The following ASAP1 variants were observed in gnomAD, a reference collection of about 807,000 sequenced individuals.
ASAP1 encodes arf-GAP with SH3 domain, ANK repeat and PH domain-containing protein 1.
ASAP1 carries 43 observed loss-of-function variants against 145.2 expected under a neutral mutation model. The ratio of observed to expected loss-of-function variants is 0.30; its 90% CI spans 0.23 to 0.38. ASAP1 has a LOEUF of 0.38. Ranked by LOEUF, ASAP1 falls within the 10% of genes least tolerant of loss-of-function variation. ASAP1 has a pLI of 1.00. For synonymous variants in ASAP1, 546 were observed against 515.5 expected (o/e 1.06, Z -0.80); for missense variants, 1,018 against 1,355.3 (o/e 0.75, Z 3.91).
At position 130,358,759 on chromosome 8, in the gene ASAP1, CCCCGCT is replaced by C. The variant is rs1826534588; in HGVS notation, c.60-622_60-617del. ...CGGCCCGGCCCCCGCCCCGCCCCGCCCCCGCTCGCGCACAGCCCCTGGGGCCTGGCT... is the reference window on the plus strand; with the variant it reads ...CGGCCCGGCCCCCGCCCCGCCCCGCCCGCGCACAGCCCCTGGGGCCTGGCT... On this transcript the variant is annotated intron_variant, in intron 2 of 29. Coordinates refer to ENST00000518721, the MANE Select transcript of ASAP1 (RefSeq NM_018482.4). This position sits in a 1 kb window ranked among gnomAD's most constrained non-coding sequence, Gnocchi z 4.1. Among the ~76,000 whole-genome samples the C allele has an allele frequency of 6.9e-6, 1 of 145,504 alleles. No individual in the cohort carries two copies. The highest frequency in any genetic ancestry group is 1.5e-5 in the Non-Finnish European group (1 of 65,608).
At chr8:130,334,260 A>G (rs1824893014) in intron 3 of ASAP1, among the ~76,000 whole-genome samples, 1 of 152,220 alleles carries the variant, frequency 6.6e-6, no homozygotes, top group Non-Finnish European at 1.5e-5. Context: ...TTCAGGTAAC[A>G]ACAACAACAA....
chr8:130,081,579 G>A (rs2097480590), intron 25 of ASAP1, among the ~76,000 whole-genome samples: 1 of 70,990 alleles, frequency 1.4e-5, no homozygotes, highest in East Asian at 4.6e-4. Flanking sequence ...CAGATGAAGA[G>A]GGCAGGGCTG....
chr8:130,122,781 T>C (rs2097568640), intron 18 of ASAP1, among the ~76,000 whole-genome samples: 1 of 152,234 alleles, frequency 6.6e-6, no homozygotes, highest in South Asian at 2.1e-4. Context: ...AGAGGCCAAA[T>C]GACTAGATGA....
intron 3 of ASAP1, among the ~76,000 whole-genome samples, chr8:130,282,774 T>G (rs1223611208): frequency 6.6e-6 from 1 of 152,052 alleles, no homozygotes; most frequent in African/African-American, 2.4e-5. Flanking sequence ...GTGGTGGGGG[T>G]AGACAACTAA....
chr8:130,136,178 G>T (rs1353439845), intron 14 of ASAP1, among the ~76,000 whole-genome samples: 1 of 152,092 alleles, frequency 6.6e-6, no homozygotes, highest in African/African-American at 2.4e-5. Context: ...GCTACAGTGT[G>T]GGTCGGTAAG....
intron 11 of ASAP1, among the ~76,000 whole-genome samples, chr8:130,165,940 ATTG>A (rs2097679003): frequency 6.6e-6 from 1 of 152,128 alleles, no homozygotes; most frequent in Non-Finnish European, 1.5e-5. Flanking sequence ...TGAACTTGCT[ATTG>A]TTGTGTGATA....
intron 1 of ASAP1, among the ~76,000 whole-genome samples, chr8:130,412,836 G>A (rs1026261900): frequency 5.9e-5 from 9 of 151,982 alleles, no homozygotes; most frequent in African/African-American, 2.2e-4. Flanking sequence ...ATAGAGATGA[G>A]GTTTCACATG....
At chr8:130,079,178 G>C (rs957292797) in intron 26 of ASAP1, among the ~76,000 whole-genome samples, 1 of 152,212 alleles carries the variant, frequency 6.6e-6, no homozygotes, top group African/African-American at 2.4e-5. Context: ...CTGGGTGACA[G>C]AGAAAGGCCC....
rs550055452 is a variant in ASAP1, at chr8:130,400,745, A to C, written c.59+1140T>G. Among the ~76,000 whole-genome samples the C allele has an allele frequency of 1.9e-3, 280 of 149,588 alleles. 1 individual carries two copies. Among genetic ancestry groups the C allele is most frequent in the Admixed American group, 2.5e-3 (37 of 15,036 alleles). On this transcript the variant is annotated intron_variant, in intron 2 of 29. Coordinates refer to ENST00000518721, the MANE Select transcript of ASAP1 (RefSeq NM_018482.4). ...GGCGGAGCTTGCAGTGAGCCGAGATAGCGCCACTGCGCTCCAGCCTGGGCA... is the reference window on the plus strand; with the variant it reads ...GGCGGAGCTTGCAGTGAGCCGAGATCGCGCCACTGCGCTCCAGCCTGGGCA...
chr8:130,259,619 AC>A (rs1210618912), intron 3 of ASAP1, among the ~76,000 whole-genome samples: 1 of 152,146 alleles, frequency 6.6e-6, no homozygotes, highest in Non-Finnish European at 1.5e-5. Context: ...GTTCTTTAAA[AC>A]CCAACCTAAT....
intron 1 of ASAP1, among the ~76,000 whole-genome samples, chr8:130,434,772 G>C (rs980262131): frequency 2.6e-5 from 4 of 152,088 alleles, no homozygotes; most frequent in Non-Finnish European, 5.9e-5. Context: ...TCTCTGTGAC[G>C]GCTCGGCCCA....
intron 3 of ASAP1, among the ~76,000 whole-genome samples, chr8:130,247,264 G>C (rs1204268782): frequency 1.3e-5 from 2 of 152,002 alleles, no homozygotes; most frequent in African/African-American, 4.8e-5. Flanking sequence ...CCCCAGTATT[G>C]ATGATGATAA....
At chr8:130,361,932 T>C (rs1200382095) in intron 2 of ASAP1, among the ~76,000 whole-genome samples, 1 of 152,108 alleles carries the variant, frequency 6.6e-6, no homozygotes, top group East Asian at 1.9e-4. Context: ...ATCATCTCTG[T>C]TGTCGCCATT....
chr8:130,237,027 A>G, intron 3 of ASAP1, 33 bp from the exon 4 acceptor site: 2 of 1,464,984 alleles, frequency 1.4e-6, no homozygotes, highest in Non-Finnish European at 1.9e-6. Flanking sequence ...AAGATATTAG[A>G]AGATTTGGTA....
At chr8:130,376,903 C>CAAAAAAAA (rs34006260) in intron 2 of ASAP1, among the ~76,000 whole-genome samples, 2 of 26,020 alleles carry the variant, frequency 7.7e-5, no homozygotes, top group Admixed American at 5.3e-4. Flanking sequence ...AACTCCATCT[C>CAAAAAAAA]AAAAAAAAAA....
At chr8:130,320,382 C>A (rs779308311) in intron 3 of ASAP1, among the ~76,000 whole-genome samples, 1 of 151,930 alleles carries the variant, frequency 6.6e-6, no homozygotes, top group Non-Finnish European at 1.5e-5. Flanking sequence ...ATGACAAAAC[C>A]CCATCTCTAT....
At chr8:130,163,949 G>A (rs2097674869) in intron 11 of ASAP1, among the ~76,000 whole-genome samples, 2 of 152,280 alleles carry the variant, frequency 1.3e-5, no homozygotes, top group East Asian at 1.9e-4. Context: ...TTTTAAAAGT[G>A]CAAGCAATTA....
intron 2 of ASAP1, among the ~76,000 whole-genome samples, chr8:130,365,523 T>C (rs772172977): frequency 5.3e-5 from 8 of 152,214 alleles, no homozygotes; most frequent in Non-Finnish European, 1.0e-4. Flanking sequence ...TAAAGTCACA[T>C]TAACCTGAAA....
chr8:130,063,678 C>T (rs1202729121), intron 27 of ASAP1, among the ~76,000 whole-genome samples: 1 of 152,182 alleles, frequency 6.6e-6, no homozygotes, highest in Non-Finnish European at 1.5e-5. Flanking sequence ...TTCCAAGATA[C>T]CGAGGGAGGC....
Sources: allele counts gnomAD v4.1 joint callset (sites outside exome capture counted in the v4.1 genomes callset), GRCh38; gene constraint gnomAD v4.1.1; non-coding constraint Gnocchi (gnomAD v3.1); transcripts MANE v1.5; gene names NCBI Gene and HGNC (gene_info 2026-07-23, HGNC 2026-07-21).